Variants in OFD1 observed in about 807,000 individuals in gnomAD.
OFD1 encodes the protein OFD1 centriole and centriolar satellite protein.
In OFD1, 12 loss-of-function variants were observed where a neutral mutation model predicts 81.4. That is an observed-to-expected ratio of 0.15 (90% confidence interval 0.09 to 0.24). OFD1 has a LOEUF of 0.24. Among genes scored for constraint, OFD1 ranks in the 10% least tolerant of loss-of-function variants. The pLI, the probability that OFD1 is intolerant of heterozygous loss-of-function variation, is 1.00. For synonymous variants in OFD1, 256 were observed against 263.7 expected, an observed-to-expected ratio of 0.97 and a Z score of 0.28; for missense variants, 685 against 733.9, an observed-to-expected ratio of 0.93 and a Z score of 0.77.
chrX:13,734,707 C>A, upstream of OFD1: 1 of 981,923 alleles, frequency 1.0e-6, no homozygotes, highest in Non-Finnish European at 1.3e-6. Flanking sequence ...AGCTCTTCAG[C>A]TCGGGAAGGC....
At chrX:13,759,275 C>T (rs530804694) in intron 15 of OFD1, among the ~76,000 whole-genome samples, 1 of 112,298 alleles carries the variant, frequency 8.9e-6, no homozygotes, top group Non-Finnish European at 1.9e-5. Context: ...TTTATCTCTA[C>T]TCGTTTCTGC....
At chrX:13,756,140 G>C (rs1234525975) in intron 12 of OFD1, among the ~76,000 whole-genome samples, 3 of 109,721 alleles carry the variant, frequency 2.7e-5, no homozygotes, top group African/African-American at 1.0e-4. Context: ...TTTTAGTAGA[G>C]ATGGGGTTTC....
intron 2 of OFD1, among the ~76,000 whole-genome samples, chrX:13,735,860 A>G (rs1190227604): frequency 8.9e-6 from 1 of 112,315 alleles, no homozygotes; most frequent in Admixed American, 9.4e-5. Context: ...AACAGCCAGG[A>G]GTAGGATTAG....
chrX:13,755,638 T>C (rs1454983861), intron 12 of OFD1, among the ~76,000 whole-genome samples: 2 of 112,378 alleles, frequency 1.8e-5, no homozygotes, highest in Admixed American at 1.9e-4. Context: ...CATCAGCCTG[T>C]TATCTCCTTC....
rs1298406528 is a variant in OFD1, at chrX:13,755,968, T to TTTTTTG, written c.1222-610_1222-609insTTTTTG. On this transcript the variant is annotated intron_variant, in intron 12 of 22. Transcript: ENST00000340096. Reference sequence around the variant, plus strand: ...TCCCTTTTTTTTTTTTTTTTTTTTTTGAGACAGAGTCTTGTTCTTTCGCCC... The same window carrying TTTTTTG: ...TCCCTTTTTTTTTTTTTTTTTTTTTTTTTTTGGAGACAGAGTCTTGTTCTTTCGCCC... 6.0e-3 allele frequency among the ~76,000 whole-genome samples: 579 copies of TTTTTTG among 96,851 alleles called. 7 individuals carry two copies. Among genetic ancestry groups the TTTTTTG allele is most frequent in the African/African-American group, 0.023 (553 of 24,216 alleles). The allele number at this position is 96,851 out of a possible 115,157, so 84.1% of individuals were successfully genotyped here. A position where few individuals can be genotyped will look rare whatever the true frequency, so the allele number is the denominator to read the frequency against.
downstream of OFD1, chrX:13,772,988 TTAAG>T: frequency 2.5e-6 from 3 of 1,210,457 alleles, no homozygotes; most frequent in Non-Finnish European, 3.4e-6. Context: ...CTCGCATCCT[TTAAG>T]TAAGCCCAGT....
the OFD1 span, among the ~76,000 whole-genome samples, chrX:13,723,725 T>G: frequency 9.1e-6 from 1 of 110,476 alleles, no homozygotes; most frequent in Admixed American, 9.8e-5. Flanking sequence ...GGGAATAGAT[T>G]AAACTGGGAA....
At position 13,760,327 on chromosome X, in the gene OFD1, T is replaced by C; in HGVS notation, c.1867T>C (p.Ser623Pro). Residue 623 changes from serine (S) to proline (P), a missense_variant, in exon 16 of 23, where the codon TCT (serine) becomes CCT (proline). Transcript: ENST00000340096. Reference protein sequence around the residue: ...TAWVEGSSPDSDLEFVANTKA... With the variant: ...TAWVEGSSPDPDLEFVANTKA... ...ATGGGTGGAGGGTAGTTCCCCTGAT[T>C]CTGACCTTGAGTTTGTAGCCAATAC... is the stretch of plus-strand genomic sequence containing the variant. The C allele has an allele frequency of 8.3e-7, 1 of 1,211,773 alleles. No individual in the cohort carries two copies. The highest frequency in any genetic ancestry group is 1.1e-6 in the Non-Finnish European group (1 of 895,521).
the OFD1 span, among the ~76,000 whole-genome samples, chrX:13,718,582 C>A: frequency 1.8e-5 from 2 of 112,134 alleles, no homozygotes; most frequent in African/African-American, 6.5e-5. Flanking sequence ...AGAGATACCT[C>A]AAAAACAAGT....
chrX:13,731,530 A>T (rs2046677282), upstream of OFD1, among the ~76,000 whole-genome samples: 1 of 112,345 alleles, frequency 8.9e-6, no homozygotes, highest in Non-Finnish European at 1.9e-5. Context: ...TATCTACCTA[A>T]GAACAAACTG....
intron 5 of OFD1, among the ~76,000 whole-genome samples, chrX:13,742,686 G>T (rs2047152096): frequency 9.0e-6 from 1 of 110,629 alleles, no homozygotes; most frequent in Non-Finnish European, 1.9e-5. Flanking sequence ...ACCACGCCTG[G>T]CTAATTTTTT....
At chrX:13,719,744 G>T in the OFD1 span, 1 of 511,647 alleles carries the variant, frequency 2.0e-6, no homozygotes, top group Non-Finnish European at 3.2e-6. Context: ...GCTTCTATCA[G>T]TCTGTGGGCT....
At chrX:13,727,318 G>A in the OFD1 span, among the ~76,000 whole-genome samples, 2 of 112,033 alleles carry the variant, frequency 1.8e-5, no homozygotes, top group Non-Finnish European at 3.8e-5. Context: ...GCACCACATT[G>A]CACTTATTCT....
chrX:13,756,757 T>A lies in OFD1; in HGVS notation c.1401T>A (p.Arg467=), dbSNP rs1171109174. The A allele has an allele frequency of 8.3e-7, 1 of 1,198,292 alleles. No individual in the cohort carries two copies. Among genetic ancestry groups the A allele is most frequent in the African/African-American group, 1.8e-5 (1 of 57,060 alleles). The change falls in exon 13 of 23, where the codon CGT becomes CGA. Residue 467 remains arginine (R), a synonymous_variant. Transcript: ENST00000340096. ...QLEESRNENL[R]LLNRLAQPAP... Reference sequence around the variant, plus strand: ...AAGAGAGTAGAAATGAAAACCTGCGTCTCCTAAACCGTATGTATTTTTCTT... The same window carrying A: ...AAGAGAGTAGAAATGAAAACCTGCGACTCCTAAACCGTATGTATTTTTCTT...
At chrX:13,753,558 A>G in intron 11 of OFD1, 117 bp downstream of exon 11, 11 of 650,430 alleles carry the variant, frequency 1.7e-5, no homozygotes, top group Non-Finnish European at 2.1e-5. Context: ...TTGTTCATAC[A>G]AAATTACACA....
intron 2 of OFD1, 199 bp from the exon 3 acceptor site, chrX:13,736,279 G>C: frequency 9.5e-7 from 1 of 1,057,444 alleles, no homozygotes; most frequent in East Asian, 3.6e-5. Context: ...GAACCCACTG[G>C]ACTGCTTGTC....
At position 13,735,365 on chromosome X, in the gene OFD1, T is replaced by C; in HGVS notation, c.111+19T>C. The C allele has an allele frequency of 2.6e-6, 3 of 1,133,094 alleles. No homozygotes were observed. The highest frequency in any genetic ancestry group is 3.6e-6 in the Non-Finnish European group (3 of 823,094). 93.4% of individuals were successfully genotyped at this position (1,133,094 alleles called of 1,213,427 possible). Reference sequence around the variant, plus strand: ...ACTCAAGGTATCGGATTTAGGCGTATCTGTGTCAGCTTTTACAAGTGTAAC... The same window carrying C: ...ACTCAAGGTATCGGATTTAGGCGTACCTGTGTCAGCTTTTACAAGTGTAAC... On this transcript the variant is annotated intron_variant, in intron 2 of 22. Coordinates refer to ENST00000340096, the MANE Select transcript of OFD1 (RefSeq NM_003611.3).
At chrX:13,720,251 C>T in the OFD1 span, 38 of 179,828 alleles carry the variant, frequency 2.1e-4, no homozygotes, top group Non-Finnish European at 1.0e-4. Flanking sequence ...ACAACATTCT[C>T]ATGATCTGAA....
intron 5 of OFD1, among the ~76,000 whole-genome samples, chrX:13,741,791 G>A (rs2047115261): frequency 8.9e-6 from 1 of 111,777 alleles, no homozygotes; most frequent in Non-Finnish European, 1.9e-5. Context: ...ATGGTGGAGA[G>A]ATCTTGGGAC....
Sources: allele counts gnomAD v4.1 joint callset (sites outside exome capture counted in the v4.1 genomes callset), GRCh38; gene constraint gnomAD v4.1.1; transcripts MANE v1.5; gene names NCBI Gene and HGNC (gene_info 2026-07-23, HGNC 2026-07-21).